SCIN: variants seen among roughly 807,000 people sequenced by gnomAD.
SCIN encodes the protein scinderin.
In SCIN, 91 loss-of-function variants were observed where a neutral mutation model predicts 91.8. The observed-to-expected ratio is 0.99, with a 90% CI of 0.84 to 1.18. The LOEUF (loss-of-function observed/expected upper bound fraction) is 1.18. Among genes scored for constraint, SCIN ranks in the 50% most tolerant of loss-of-function variants. The pLI is 0.00. For synonymous variants in SCIN, 367 were observed against 312.6 expected (o/e 1.17, Z -1.84); for missense variants, 1,087 against 863.9 (o/e 1.26, Z -3.24).
chr7:12,634,956 G>A (rs1562628403), intron 9 of SCIN, among the ~76,000 whole-genome samples: 1 of 152,036 alleles, frequency 6.6e-6, no homozygotes, highest in Non-Finnish European at 1.5e-5. Flanking sequence ...GGAGGCCGAG[G>A]CGGGTGGATC....
rs752526886 is a variant in SCIN, at chr7:12,625,813, A to C, written c.944A>C (p.Glu315Ala). 1.2e-5 allele frequency: 19 copies of C among 1,612,840 alleles called. No homozygotes were observed. Among genetic ancestry groups the C allele is most frequent in the Non-Finnish European group, 1.0e-5 (12 of 1,179,216 alleles). ...ERKAAMKTAE[E>A]FLQQMNYSKN... ...AAGGCTGCAATGAAGACAGCTGAAG[A>C]ATTTCTACAGCAAATGAATTATTCC... Residue 315 changes from glutamate to alanine, a missense_variant, in exon 7 of 16, where the codon GAA becomes GCA. Physicochemically the swap from Glu to Ala is moderately radical, Grantham distance 107 (BLOSUM62 -1). Transcript: ENST00000297029.
intron 13 of SCIN, among the ~76,000 whole-genome samples, chr7:12,646,793 T>C (rs1783974529): frequency 6.6e-6 from 1 of 152,206 alleles, no homozygotes; most frequent in Admixed American, 6.5e-5. Context: ...ACGTATTTTG[T>C]CAGATATTTT....
chr7:12,622,068 G>T (rs1016938344), intron 4 of SCIN, among the ~76,000 whole-genome samples: 9 of 151,800 alleles, frequency 5.9e-5, no homozygotes, highest in African/African-American at 1.9e-4. Flanking sequence ...ATTCTATGCT[G>T]TTTGTGTTAA....
chr7:12,570,797 A>G lies in SCIN; in HGVS notation c.11A>G (p.Glu4Gly). The change falls in exon 1 of 16, where the codon GAG becomes GGG. Residue 4 changes from glutamate (E) to glycine (G), a missense_variant. Physicochemically the swap from Glu to Gly is moderately conservative, Grantham distance 98. Transcript: ENST00000297029. Reference sequence around the variant, plus strand: ...TCGCGTGCAGGAGCCATGGCGCGGGAGCTATACCACGAAGAGTTCGCCCGG... The same window carrying G: ...TCGCGTGCAGGAGCCATGGCGCGGGGGCTATACCACGAAGAGTTCGCCCGG... The part of the protein sequence containing the change: MAR[E>G]LYHEEFARAG... The G allele has an allele frequency of 6.4e-7, 1 of 1,550,976 alleles. No homozygotes were observed. Among genetic ancestry groups the G allele is most frequent in the Non-Finnish European group, 8.7e-7 (1 of 1,146,810 alleles).
intron 2 of SCIN, among the ~76,000 whole-genome samples, chr7:12,579,847 G>C (rs1441739970): frequency 1.3e-5 from 2 of 152,218 alleles, no homozygotes; most frequent in Non-Finnish European, 2.9e-5. Flanking sequence ...CCAGGAGGCA[G>C]AGGTTGCAGT....
chr7:12,588,839 A>AGGGGGGGGGGGGGGGGGGGGG (rs1562599677), intron 3 of SCIN: 2 of 2,816 alleles, frequency 7.1e-4, no homozygotes, highest in Admixed American at 5.2e-3. Context: ...GCGGGTGGGA[A>AGGGGGGGGGGGGGGGGGGGGG]GGGGGAGGGG....
intron 7 of SCIN, 163 bp downstream of exon 7, chr7:12,626,013 G>A (rs1317071856): frequency 2.8e-5 from 16 of 563,952 alleles, no homozygotes; most frequent in African/African-American, 1.9e-4. Flanking sequence ...CTTTATCTGC[G>A]TGGGGGTTAG....
At chr7:12,641,143 AC>A (rs1244753963) in intron 11 of SCIN, among the ~76,000 whole-genome samples, 1 of 152,112 alleles carries the variant, frequency 6.6e-6, no homozygotes, top group Non-Finnish European at 1.5e-5. Context: ...CATCACCCTT[AC>A]GCTGCCTGGC....
At chr7:12,638,576 G>A (rs1204794637) in intron 10 of SCIN, among the ~76,000 whole-genome samples, 2 of 152,150 alleles carry the variant, frequency 1.3e-5, no homozygotes, top group African/African-American at 4.8e-5. Flanking sequence ...GGGTTTTTCT[G>A]TCTTGTTTTC....
chr7:12,591,888 C>T (rs1782731372), intron 3 of SCIN, among the ~76,000 whole-genome samples: 1 of 151,980 alleles, frequency 6.6e-6, no homozygotes, highest in Non-Finnish European at 1.5e-5. Context: ...GAGGGGGAGA[C>T]CCTATACCCT....
chr7:12,645,869 T>C (rs1783956772), intron 13 of SCIN, among the ~76,000 whole-genome samples: 1 of 152,218 alleles, frequency 6.6e-6, no homozygotes, highest in Non-Finnish European at 1.5e-5. Flanking sequence ...ACTTTACACC[T>C]GTGTGAGCAT....
chr7:12,650,000 G>T (rs1162614244), intron 14 of SCIN, among the ~76,000 whole-genome samples: 1 of 152,192 alleles, frequency 6.6e-6, no homozygotes, highest in Admixed American at 6.5e-5. Flanking sequence ...AGTAAAATAT[G>T]TTCCTGTTTT....
intron 9 of SCIN, 71 bp from the exon 10 acceptor site, chr7:12,635,974 C>A: frequency 9.5e-7 from 1 of 1,055,778 alleles, no homozygotes. Flanking sequence ...CTTGTCTCTG[C>A]TTGCAATGCC....
intron 4 of SCIN, among the ~76,000 whole-genome samples, chr7:12,609,351 T>C (rs1365874629): frequency 6.6e-6 from 1 of 152,228 alleles, no homozygotes; most frequent in East Asian, 1.9e-4. Flanking sequence ...TTACCATAAA[T>C]GACTGCACAT....
At chr7:12,595,459 T>G (rs1782820937) in intron 3 of SCIN, 2 of 110,484 alleles carry the variant, frequency 1.8e-5, no homozygotes, top group East Asian at 3.1e-4. Context: ...GGGGTAAGAG[T>G]CTGTTGCATT....
intron 13 of SCIN, among the ~76,000 whole-genome samples, chr7:12,645,855 A>G (rs887763853): frequency 6.6e-5 from 10 of 152,232 alleles, no homozygotes; most frequent in African/African-American, 2.4e-4. Context: ...TAAAAGTACT[A>G]GCTACTTTAC....
At position 12,625,073 on chromosome 7, in the gene SCIN, G is replaced by T; in HGVS notation, c.823G>T (p.Ala275Ser). The change falls in exon 6 of 16, where the codon GCA (alanine) becomes TCA (serine). Residue 275 changes from alanine to serine, a missense_variant. Ala to Ser is a moderately conservative substitution (Grantham distance 99). Coordinates refer to ENST00000297029, the MANE Select transcript of SCIN (RefSeq NM_001112706.3). ...VVAEENPFSMAMLLSEECFIL... is the reference protein window; with the variant it reads ...VVAEENPFSMSMLLSEECFIL... ...GGCAGAAGAAAACCCCTTCTCAATG[G>T]CAATGCTGCTGTCTGAAGAATGCTT... is the stretch of plus-strand genomic sequence containing the variant. 1.2e-6 allele frequency: 2 copies of T among 1,601,168 alleles called. No individual in the cohort carries two copies. Among genetic ancestry groups the T allele is most frequent in the Non-Finnish European group, 1.7e-6 (2 of 1,173,320 alleles).
At position 12,639,207 on chromosome 7, in the gene SCIN, C is replaced by T. The variant is rs182454791; in HGVS notation, c.1411-1140C>T. ...GGGATGGGCCTTAATCAGTGTTTCT[C>T]TTTCTCTCATGTTGGCAATTAAAGT... On this transcript the variant is annotated intron_variant, in intron 10 of 15. Transcript: ENST00000297029. Among the ~76,000 whole-genome samples the T allele has an allele frequency of 6.1e-3, 924 of 152,206 alleles. 4 individuals carry two copies. The highest frequency in any genetic ancestry group is 8.8e-3 in the Non-Finnish European group (601 of 68,000).
Position 12,581,027 on chromosome 7 carries a change from T to C in SCIN, c.355-33T>C, listed in dbSNP as rs1039463007. The C allele has an allele frequency of 7.1e-6, 11 of 1,543,834 alleles. No individual in the cohort carries two copies. In the East Asian group the frequency reaches 2.0e-4, roughly 28 times the overall value. ...AGACACCTCATCAGTTTTCTCTTTG[T>C]TTTTTGTGTGTCTGTCTTCCCTCAT... On this transcript the variant is annotated intron_variant, in intron 2 of 15. Transcript: ENST00000297029.
Sources: allele counts gnomAD v4.1 joint callset (sites outside exome capture counted in the v4.1 genomes callset), GRCh38; gene constraint gnomAD v4.1.1; transcripts MANE v1.5; gene names NCBI Gene and HGNC (gene_info 2026-07-23, HGNC 2026-07-21).